ASB4: variants seen among roughly 807,000 people sequenced by gnomAD.
ASB4 encodes ankyrin repeat and SOCS box containing 4.
ASB4 carries 35 observed loss-of-function variants against 38.6 expected under a neutral mutation model. That is an observed-to-expected ratio of 0.91 (90% CI 0.69 to 1.20). The LOEUF (loss-of-function observed/expected upper bound fraction) is 1.20, where lower values mean the gene tolerates loss of function less well. Among genes scored for constraint, ASB4 ranks in the 50% most tolerant of loss-of-function variants. ASB4 has a pLI of 0.00. For synonymous variants in ASB4, 195 were observed against 201.3 expected (o/e 0.97, Z 0.26); for missense variants, 557 against 527.2 (o/e 1.06, Z -0.55).
At chr7:95,532,170 G>A (rs932717440) in intron 3 of ASB4, among the ~76,000 whole-genome samples, 2 of 152,200 alleles carry the variant, frequency 1.3e-5, no homozygotes, top group Admixed American at 6.5e-5. Flanking sequence ...CGACAAGTAA[G>A]TGACTGACTC....
At chr7:95,515,386 CTT>C (rs1221670977) in intron 2 of ASB4, among the ~76,000 whole-genome samples, 1 of 91,302 alleles carries the variant, frequency 1.1e-5, no homozygotes, top group African/African-American at 4.1e-5. Flanking sequence ...CTTTTCTTTT[CTT>C]TTTTTTCTTT....
intron 2 of ASB4, among the ~76,000 whole-genome samples, chr7:95,519,030 G>A (rs376530311): frequency 1.7e-4 from 26 of 152,280 alleles, no homozygotes; most frequent in East Asian, 1.3e-3. Flanking sequence ...CTAGAAGAAG[G>A]TAGTTCTCAA....
At chr7:95,506,897 G>A (rs571768771) in intron 2 of ASB4, among the ~76,000 whole-genome samples, 59 of 151,672 alleles carry the variant, frequency 3.9e-4, no homozygotes, top group Middle Eastern at 3.4e-3. Context: ...TTTGGATATC[G>A]AACCTCCCTG....
chr7:95,527,704 G>A (rs1159687487), intron 2 of ASB4, 109 bp from the exon 3 acceptor site: 13 of 1,077,748 alleles, frequency 1.2e-5, no homozygotes, highest in Non-Finnish European at 1.7e-5. Flanking sequence ...GATAATATAC[G>A]GCAGTCAGAA....
the ASB4 span, among the ~76,000 whole-genome samples, chr7:95,549,949 T>C: frequency 0.41 from 62,581 of 151,986 alleles, 13,314 homozygotes; most frequent in East Asian, 0.82. Context: ...TAATCTGTGT[T>C]ATCTTAGTTC....
intron 2 of ASB4, among the ~76,000 whole-genome samples, chr7:95,522,067 A>G (rs1486465492): frequency 6.6e-6 from 1 of 152,168 alleles, no homozygotes; most frequent in African/African-American, 2.4e-5. Flanking sequence ...TTCATAATTC[A>G]TTAAAGTCTT....
rs554036333 is a variant in ASB4 at position 95,509,239 on chromosome 7, T to A, written c.487+13182T>A. On this transcript the variant is annotated intron_variant, in intron 2 of 4. Coordinates refer to ENST00000325885, the MANE Select transcript of ASB4 (RefSeq NM_016116.3). ...AAGCAAAGCCCTAAAGAAGTAGGGG[T>A]GTTCTTTTTATTTATCTTTCCACGA... is the stretch of plus-strand genomic sequence containing the variant. Among the ~76,000 whole-genome samples the A allele has an allele frequency of 2.0e-5, 3 of 152,012 alleles. No individual in the cohort carries two copies. The East Asian group carries it at 5.8e-4, about 29-fold the overall frequency.
At chr7:95,478,971 A>G (rs957717542) in intron 1 of ASB4, among the ~76,000 whole-genome samples, 4 of 152,178 alleles carry the variant, frequency 2.6e-5, no homozygotes, top group Non-Finnish European at 5.9e-5. Context: ...TCTGTGGACA[A>G]GGGCAGCCCA....
intron 2 of ASB4, among the ~76,000 whole-genome samples, chr7:95,524,183 G>T (rs1415995293): frequency 1.3e-5 from 2 of 152,254 alleles, no homozygotes; most frequent in Non-Finnish European, 2.9e-5. Context: ...ACAAGAATGT[G>T]CAAGAATGCC....
chr7:95,496,525 A>G (rs1790250913), intron 2 of ASB4, among the ~76,000 whole-genome samples: 1 of 152,180 alleles, frequency 6.6e-6, no homozygotes, highest in South Asian at 2.1e-4. Flanking sequence ...CTCTAAGGAT[A>G]TTATGCTAGG....
chr7:95,486,380 C>T (rs1790091581), intron 1 of ASB4, among the ~76,000 whole-genome samples: 1 of 152,120 alleles, frequency 6.6e-6, no homozygotes, highest in Non-Finnish European at 1.5e-5. Context: ...ACCCTTGGGC[C>T]TAGGACTTGA....
At chr7:95,516,751 A>C (rs910177823) in intron 2 of ASB4, among the ~76,000 whole-genome samples, 2 of 152,210 alleles carry the variant, frequency 1.3e-5, no homozygotes, top group African/African-American at 4.8e-5. Context: ...CTATTCCTTC[A>C]CTGGTCTTTG....
At chr7:95,497,092 A>G (rs1289180594) in intron 2 of ASB4, among the ~76,000 whole-genome samples, 1 of 152,088 alleles carries the variant, frequency 6.6e-6, no homozygotes, top group Non-Finnish European at 1.5e-5. Context: ...ATGACATTGG[A>G]TGTGTTAGAT....
intron 2 of ASB4, among the ~76,000 whole-genome samples, chr7:95,502,400 G>GTT (rs1562813355): frequency 6.7e-6 from 1 of 149,212 alleles, no homozygotes; most frequent in Non-Finnish European, 1.5e-5. Context: ...GCGGGGGGGG[G>GTT]GCAAATTGAT....
intron 2 of ASB4, among the ~76,000 whole-genome samples, chr7:95,526,335 C>T (rs548256501): frequency 3.3e-5 from 5 of 152,278 alleles, no homozygotes; most frequent in Admixed American, 2.6e-4. Flanking sequence ...CGCACAATGA[C>T]CTCCTTCAGC....
In ASB4 at chr7:95,493,546, G is replaced by T. The variant is rs536446546; in HGVS notation, c.188-2212G>T. The stretch of plus-strand genomic sequence containing the variant: ...AATTATTTTTTCCCCTCTGGACAGA[G>T]AGACAATAGCTTATTTTGATTTTAT... On this transcript the variant is annotated intron_variant, in intron 1 of 4. Transcript: ENST00000325885. Among the ~76,000 whole-genome samples, 3 of 152,226 alleles carry T rather than the reference G, an allele frequency of 2.0e-5. No homozygotes were observed. In the South Asian group the frequency reaches 6.2e-4, roughly 32 times the overall value.
chr7:95,494,046 A>G (rs574998296), intron 1 of ASB4, among the ~76,000 whole-genome samples: 3 of 152,342 alleles, frequency 2.0e-5, no homozygotes, highest in African/African-American at 7.2e-5. Flanking sequence ...AGTACAATGC[A>G]AATGTTGTTT....
chr7:95,476,017 CT>C (rs1366065760), upstream of ASB4, among the ~76,000 whole-genome samples: 4 of 152,256 alleles, frequency 2.6e-5, no homozygotes, highest in African/African-American at 9.6e-5. Context: ...TGAAATCTTT[CT>C]TGATTCCTCA....
chr7:95,473,581 C>A (rs977861866), upstream of ASB4: 28 of 151,974 alleles, frequency 1.8e-4, no homozygotes, highest in Non-Finnish European at 5.9e-5. Flanking sequence ...GCTCTTGCAA[C>A]CTGAAAGAGC....
Sources: gnomAD v4.1 joint callset for allele counts (sites outside exome capture counted in the v4.1 genomes callset) on GRCh38, gnomAD v4.1.1 for gene constraint, MANE v1.5 for transcripts, NCBI Gene and HGNC (gene_info 2026-07-23, HGNC 2026-07-21) for gene names.